The following NAALADL2 variants were observed in gnomAD, a reference collection of about 807,000 sequenced individuals.
The protein encoded by NAALADL2 is N-acetylated alpha-linked acidic dipeptidase like 2.
A neutral mutation model predicts 87.2 loss-of-function variants in NAALADL2; 76 were observed. The observed-to-expected ratio is 0.87, with a 90% CI of 0.72 to 1.05. The LOEUF (loss-of-function observed/expected upper bound fraction) is 1.05, where lower values mean the gene tolerates loss of function less well. Among genes scored for constraint, NAALADL2 ranks in the 50% least tolerant of loss-of-function variants. The pLI is 0.00. For synonymous variants in NAALADL2, 354 were observed against 331.0 expected (o/e 1.07, Z -0.75); for missense variants, 1,089 against 945.8 (o/e 1.15, Z -1.99).
chr3:175,545,783 T>A (rs1465035508), intron 9 of NAALADL2, among the ~76,000 whole-genome samples: 1 of 152,146 alleles, frequency 6.6e-6, no homozygotes, highest in Admixed American at 6.6e-5. Flanking sequence ...ACATCAAAAT[T>A]CTGAAAGATC....
At chr3:175,380,967 T>G (rs1767716208) in intron 5 of NAALADL2, among the ~76,000 whole-genome samples, 1 of 152,078 alleles carries the variant, frequency 6.6e-6, no homozygotes, top group Non-Finnish European at 1.5e-5. Flanking sequence ...GCTAAGGAAT[T>G]AATAAAAATT....
At chr3:175,270,490 G>T (rs1377079221) in intron 4 of NAALADL2, among the ~76,000 whole-genome samples, 1 of 152,186 alleles carries the variant, frequency 6.6e-6, no homozygotes, top group Non-Finnish European at 1.5e-5. Context: ...AAAGAATGCT[G>T]AATGTGAATT....
chr3:174,602,747 A>G (rs1475369799), intron 2 of NAALADL2, among the ~76,000 whole-genome samples: 1 of 151,954 alleles, frequency 6.6e-6, no homozygotes, highest in Non-Finnish European at 1.5e-5. Context: ...ATTTAGTATG[A>G]TATTAGCTGT....
At chr3:175,522,371 G>A (rs1732772494) in intron 9 of NAALADL2, among the ~76,000 whole-genome samples, 1 of 152,252 alleles carries the variant, frequency 6.6e-6, no homozygotes, top group Admixed American at 6.5e-5. Context: ...AGGACAAAAA[G>A]TTTCAACTGC....
chr3:175,555,288 A>G (rs533715179), intron 9 of NAALADL2, among the ~76,000 whole-genome samples: 1 of 152,338 alleles, frequency 6.6e-6, no homozygotes, highest in South Asian at 2.1e-4. Context: ...CAATTATCAG[A>G]AAAGAATCTT....
chr3:175,490,936 AT>A (rs1162402489), intron 9 of NAALADL2, among the ~76,000 whole-genome samples: 1 of 152,128 alleles, frequency 6.6e-6, no homozygotes, highest in Non-Finnish European at 1.5e-5. Context: ...ATTTTAGAAA[AT>A]TTTAGAATGT....
At chr3:175,636,812 A>C (rs1019445025) in intron 11 of NAALADL2, among the ~76,000 whole-genome samples, 1 of 152,106 alleles carries the variant, frequency 6.6e-6, no homozygotes, top group African/African-American at 2.4e-5. Context: ...TACGCAACTG[A>C]TTTTTTGGAT....
At chr3:175,487,734 C>T (rs1387624554) in intron 9 of NAALADL2, 2 of 297,730 alleles carry the variant, frequency 6.7e-6, no homozygotes, top group Non-Finnish European at 1.3e-5. Flanking sequence ...AGTGTCTGAA[C>T]AACTTAATGT....
rs186988441 is a variant in NAALADL2 at position 174,951,667 on chromosome 3, C to T, written c.43+92217C>T. Among the ~76,000 whole-genome samples the T allele has an allele frequency of 5.1e-4, 77 of 152,150 alleles. No individual in the cohort carries two copies. In the East Asian group the frequency reaches 0.012, roughly 24 times the overall value. The stretch of plus-strand genomic sequence containing the variant: ...TATATTCTTTTTACTTGTCGATAGA[C>T]GCCTTCAACTTTAAATGTTGTAATC... On this transcript the variant is annotated intron_variant, in intron 1 of 13. Transcript: ENST00000454872.
chr3:175,401,043 A>G (rs1315725036), intron 5 of NAALADL2, among the ~76,000 whole-genome samples: 2 of 152,162 alleles, frequency 1.3e-5, no homozygotes, highest in African/African-American at 4.8e-5. Context: ...CTTCTTTCTC[A>G]GCTCTTGAAT....
chr3:174,862,351 C>A (rs1294182436), intron 1 of NAALADL2, among the ~76,000 whole-genome samples: 1 of 151,944 alleles, frequency 6.6e-6, no homozygotes, highest in Non-Finnish European at 1.5e-5. Flanking sequence ...AGCTCCCTTC[C>A]TGGAAGGGAA....
In NAALADL2 at chr3:174,577,139, C is replaced by A. The variant is rs368240042; in HGVS notation, c.-115+26502C>A. ...ACTGTCTAGATGAAAAATAAAAATT[C>A]AAGAGTTTAGATGCCTACATATATA... On this transcript the variant is annotated intron_variant, in intron 2 of 3. Transcript: ENST00000434257. Among the ~76,000 whole-genome samples, 25 of 152,076 alleles carry A rather than the reference C, an allele frequency of 1.6e-4. No individual in the cohort carries two copies. In the East Asian group the frequency reaches 1.9e-3, roughly 12 times the overall value.
At chr3:175,414,792 G>A (rs1449448272) in intron 5 of NAALADL2, among the ~76,000 whole-genome samples, 1 of 124,922 alleles carries the variant, frequency 8.0e-6, no homozygotes. Flanking sequence ...TTAAGGTAAA[G>A]GATCTACAGA....
chr3:175,328,892 AT>A (rs1213154024), intron 5 of NAALADL2, among the ~76,000 whole-genome samples: 3 of 152,212 alleles, frequency 2.0e-5, no homozygotes, highest in African/African-American at 7.2e-5. Context: ...TTTAAGTAGT[AT>A]TCCATTTGGT....
chr3:175,171,407 T>C (rs1224793564), intron 2 of NAALADL2, among the ~76,000 whole-genome samples: 1 of 152,032 alleles, frequency 6.6e-6, no homozygotes, highest in African/African-American at 2.4e-5. Flanking sequence ...TCTCCTGTCA[T>C]TTGATATGAC....
At chr3:174,880,683 C>G (rs1348336478) in intron 1 of NAALADL2, among the ~76,000 whole-genome samples, 3 of 152,226 alleles carry the variant, frequency 2.0e-5, no homozygotes, top group East Asian at 1.9e-4. Context: ...TTTGGCTTTA[C>G]TCCTTCACCT....
chr3:175,144,762 G>A (rs1374512212), intron 2 of NAALADL2, among the ~76,000 whole-genome samples: 2 of 151,628 alleles, frequency 1.3e-5, no homozygotes, highest in African/African-American at 4.8e-5. Flanking sequence ...TGTGTTTAAT[G>A]CCTCCAATGT....
At chr3:174,624,596 C>A (rs1231293352) in intron 2 of NAALADL2, among the ~76,000 whole-genome samples, 1 of 148,874 alleles carries the variant, frequency 6.7e-6, no homozygotes, top group East Asian at 2.0e-4. Context: ...TGCACTCCAG[C>A]CTGGGCGACA....
At chr3:175,518,570 C>T (rs75008739) in intron 9 of NAALADL2, among the ~76,000 whole-genome samples, 1,555 of 152,252 alleles carry the variant, frequency 0.01, 28 homozygotes, top group African/African-American at 0.036. Context: ...GGTCATAGGG[C>T]CCCATCTGGC....
Sources: gnomAD v4.1 joint callset for allele counts (sites outside exome capture counted in the v4.1 genomes callset) on GRCh38, gnomAD v4.1.1 for gene constraint, MANE v1.5 for transcripts, NCBI Gene and HGNC (gene_info 2026-07-23, HGNC 2026-07-21) for gene names.